Variants in C4orf17 observed in about 807,000 individuals in gnomAD.
C4orf17 encodes uncharacterized protein C4orf17.
Under a neutral mutation model 32.0 loss-of-function variants are expected in C4orf17, and 25 were observed. The observed-to-expected ratio is 0.78, with a 90% confidence interval of 0.57 to 1.09. The LOEUF (loss-of-function observed/expected upper bound fraction) is 1.09. C4orf17 is among the 50% of genes least tolerant of loss of function. C4orf17 has a pLI of 0.00. For missense variants in C4orf17, 420 were observed against 420.0 expected, an observed-to-expected ratio of 1.00 and a Z score of 0.00; for synonymous variants, 149 against 145.8, an observed-to-expected ratio of 1.02 and a Z score of -0.16.
At position 99,522,587 on chromosome 4, in the gene C4orf17, A is replaced by G. The variant is rs147900855; in HGVS notation, c.215A>G (p.Glu72Gly). The change falls in exon 3 of 9, where the codon GAG becomes GGG. Residue 72 changes from glutamate (E) to glycine (G), a missense_variant. Glu to Gly is a moderately conservative substitution (Grantham distance 98). Transcript: ENST00000326581. ...GGAGTTGGCCAGTCTAACTACTTAG[A>G]GAAGAACAGGATACCATTTGCCAAT... ...LWGVGQSNYLEKNRIPFANCS... is the reference protein window; with the variant it reads ...LWGVGQSNYLGKNRIPFANCS... 2.9e-4 allele frequency: 469 copies of G among 1,613,836 alleles called. 4 individuals are homozygous for G. Among genetic ancestry groups the G allele is most frequent in the Admixed American group, 6.7e-5 (4 of 59,990 alleles).
At chr4:99,533,026 G>A (rs1474225035) in intron 5 of C4orf17, among the ~76,000 whole-genome samples, 1 of 152,196 alleles carries the variant, frequency 6.6e-6, no homozygotes, top group African/African-American at 2.4e-5. Context: ...TAATATGGTT[G>A]ATGCAGACAG....
intron 5 of C4orf17, among the ~76,000 whole-genome samples, chr4:99,536,361 C>A (rs550055976): frequency 6.6e-6 from 1 of 152,194 alleles, no homozygotes; most frequent in Non-Finnish European, 1.5e-5. Context: ...AGCTGCCTCT[C>A]CCCCAAGGGG....
Position 99,542,094 on chromosome 4 carries a change from A to G in C4orf17, c.1065A>G (p.Ser355=). ...NLCPQRACYP[S]THRR ...GTCCCCAAAGAGCATGTTATCCTTC[A>G]ACACACCGGAGGTAGAAGTTCTAGA... The change falls in exon 9 of 9, where the codon TCA becomes TCG. Residue 355 remains serine, a synonymous_variant. Transcript: ENST00000326581. 6.2e-7 allele frequency: 1 copy of G among 1,613,838 alleles called. No individual in the cohort carries two copies. Among genetic ancestry groups the G allele is most frequent in the Non-Finnish European group, 8.5e-7 (1 of 1,179,810 alleles).
chr4:99,517,505 G>A (rs988182067), intron 2 of C4orf17, among the ~76,000 whole-genome samples: 3 of 152,030 alleles, frequency 2.0e-5, no homozygotes, highest in African/African-American at 4.8e-5. Context: ...TGACCCCTTA[G>A]CTGCATTTGG....
chr4:99,526,311 A>G (rs2110169899), intron 4 of C4orf17, among the ~76,000 whole-genome samples: 1 of 152,316 alleles, frequency 6.6e-6, no homozygotes, highest in South Asian at 2.1e-4. Flanking sequence ...CTAAGTTTCA[A>G]ATTGGAACCA....
chr4:99,513,224 G>A lies in C4orf17; in HGVS notation c.127+16G>A. 1 of 1,613,384 alleles carries A rather than the reference G, an allele frequency of 6.2e-7. No homozygotes were observed. The highest frequency in any genetic ancestry group is 1.1e-5 in the South Asian group (1 of 91,064). On this transcript the variant is annotated intron_variant, in intron 2 of 8. Coordinates refer to ENST00000326581, the MANE Select transcript of C4orf17 (RefSeq NM_032149.3). ...CACATCAAAGGTAAGGTGACTTAAG[G>A]TCCTAGTATGTGTCTCTATTCTCTA...
At position 99,537,759 on chromosome 4, in the gene C4orf17, A is replaced by G; in HGVS notation, c.628+9A>G. On this transcript the variant is annotated intron_variant, in intron 6 of 8. Coordinates refer to ENST00000326581, the MANE Select transcript of C4orf17 (RefSeq NM_032149.3). ...TCATGCAACTTCAAAAGGTGCGATT[A>G]AGATATAAATTTTAAAACACTGAGC... The G allele has an allele frequency of 6.2e-7, 1 of 1,602,426 alleles. No homozygotes were observed. Among genetic ancestry groups the G allele is most frequent in the Non-Finnish European group, 8.5e-7 (1 of 1,172,222 alleles).
At chr4:99,537,874 A>C in intron 6 of C4orf17, 124 bp downstream of exon 6, 3 of 724,944 alleles carry the variant, frequency 4.1e-6, no homozygotes, top group Non-Finnish European at 7.3e-6. Context: ...TTATTTCCGC[A>C]ATGTTTCAGT....
At chr4:99,533,114 C>T (rs1193760912) in intron 5 of C4orf17, among the ~76,000 whole-genome samples, 1 of 152,140 alleles carries the variant, frequency 6.6e-6, no homozygotes, top group Admixed American at 6.6e-5. Context: ...TAAGTCCTAT[C>T]AAGGTGTCCA....
At chr4:99,515,281 G>T (rs1441352057) in intron 2 of C4orf17, among the ~76,000 whole-genome samples, 1 of 152,072 alleles carries the variant, frequency 6.6e-6, no homozygotes, top group African/African-American at 2.4e-5. Flanking sequence ...CAGCAGCAAA[G>T]ACATGGACTC....
intron 5 of C4orf17, among the ~76,000 whole-genome samples, chr4:99,534,331 T>C (rs1320085797): frequency 1.3e-5 from 2 of 152,260 alleles, no homozygotes; most frequent in African/African-American, 4.8e-5. Context: ...CATGGCTGCG[T>C]AGTATTCCAT....
chr4:99,532,660 C>G (rs1460969000), intron 5 of C4orf17, among the ~76,000 whole-genome samples: 1 of 152,162 alleles, frequency 6.6e-6, no homozygotes, highest in Non-Finnish European at 1.5e-5. Context: ...GGTATATCCA[C>G]ATAACAAACA....
Position 99,539,150 on chromosome 4 carries a change from T to C in C4orf17, c.629-13T>C, listed in dbSNP as rs766906065. On this transcript the variant is annotated splice_polypyrimidine_tract_variant and intron_variant, in intron 6 of 8. Transcript: ENST00000326581. ...CCTTCACTCCTCCCACCCTTTTTTG[T>C]CTTTTAAACCAGAAAAAGAGTGGGT... The C allele has an allele frequency of 6.2e-7, 1 of 1,611,758 alleles. No homozygotes were observed. The highest frequency in any genetic ancestry group is 8.5e-7 in the Non-Finnish European group (1 of 1,178,058).
rs747678794 is a variant in C4orf17, at chr4:99,524,572, T to C, written c.389T>C (p.Leu130Ser). ...TTCAAAACTTCCAGTGAGAATCCCT[T>C]AGTAATTAAAAAGGTAAGGAACAGC... is the stretch of plus-strand genomic sequence containing the variant. ...ECFKTSSENP[L>S]VIKKEEIKAK... The change falls in exon 4 of 9, where the codon TTA becomes TCA. Residue 130 changes from leucine (L) to serine (S), a missense_variant. By Grantham distance (145) the Leu-to-Ser change is moderately radical. Transcript: ENST00000326581. 5 of 1,599,214 alleles carry C rather than the reference T, an allele frequency of 3.1e-6. No individual in the cohort carries two copies. Among genetic ancestry groups the C allele is most frequent in the Admixed American group, 3.4e-5 (2 of 59,470 alleles).
intron 7 of C4orf17, 41 bp from the exon 8 acceptor site, chr4:99,540,371 T>C: frequency 6.7e-7 from 1 of 1,496,348 alleles, no homozygotes; most frequent in Non-Finnish European, 9.3e-7. Flanking sequence ...TACTTTTTTG[T>C]ATCTGTGAAA....
At chr4:99,528,845 G>A (rs1422044590) in intron 4 of C4orf17, among the ~76,000 whole-genome samples, 2 of 151,964 alleles carry the variant, frequency 1.3e-5, no homozygotes, top group Admixed American at 1.3e-4. Context: ...TGACATATGG[G>A]GATTATCACA....
chr4:99,523,444 A>T (rs141352837), intron 3 of C4orf17, among the ~76,000 whole-genome samples: 1 of 152,302 alleles, frequency 6.6e-6, no homozygotes, highest in African/African-American at 2.4e-5. Context: ...ATTATAGAGT[A>T]CTCACTATAT....
At chr4:99,529,137 G>T (rs925872587) in intron 4 of C4orf17, among the ~76,000 whole-genome samples, 1 of 152,106 alleles carries the variant, frequency 6.6e-6, no homozygotes, top group African/African-American at 2.4e-5. Context: ...GGCTCATTTA[G>T]GCACTAAGTT....
At chr4:99,517,885 C>T (rs1001079015) in intron 2 of C4orf17, among the ~76,000 whole-genome samples, 5 of 152,158 alleles carry the variant, frequency 3.3e-5, no homozygotes, top group African/African-American at 1.2e-4. Flanking sequence ...TCATGGGCAC[C>T]TTGAACTGTG....
Sources: gnomAD v4.1 joint callset for allele counts (sites outside exome capture counted in the v4.1 genomes callset) on GRCh38, gnomAD v4.1.1 for gene constraint, MANE v1.5 for transcripts, NCBI Gene and HGNC (gene_info 2026-07-23, HGNC 2026-07-21) for gene names.